The following FMNL3 variants were observed in gnomAD, a reference collection of about 807,000 sequenced individuals.
FMNL3 encodes formin-like protein 3.
A neutral mutation model predicts 119.6 loss-of-function variants in FMNL3; 57 were observed. The observed-to-expected ratio is 0.48, with a 90% CI of 0.39 to 0.59. FMNL3 has a LOEUF of 0.59. Ranked by LOEUF, FMNL3 falls within the 20% of genes least tolerant of loss-of-function variation. FMNL3 has a pLI of 0.00. For synonymous variants in FMNL3, 491 were observed against 507.3 expected (o/e 0.97, Z 0.43); for missense variants, 1,053 against 1,323.5 (o/e 0.80, Z 3.17).
rs1212620875 is a variant in FMNL3 at position 49,658,474 on chromosome 12, G to A, written c.573C>T (p.Ser191=). 6.2e-6 allele frequency: 10 copies of A among 1,612,468 alleles called. No individual in the cohort carries two copies. The highest frequency in any genetic ancestry group is 6.8e-6 in the Non-Finnish European group (8 of 1,179,130). ...PSALSAPFTN[S]LARSARQSVL... ...CAGACTGGCGCGCAGAGCGAGCGAGGCTGTTGGTGAAGGGGGCCGACAGGG... is the reference window on the plus strand; with the variant it reads ...CAGACTGGCGCGCAGAGCGAGCGAGACTGTTGGTGAAGGGGGCCGACAGGG... Residue 191 remains serine (S), a synonymous_variant, in exon 6 of 26, where the codon AGC becomes AGT. Transcript: ENST00000335154.
Position 49,642,810 on chromosome 12 carries a change from C to T in FMNL3, c.*3005G>A. On this transcript the variant is annotated 3_prime_UTR_variant, in exon 26 of 26. Transcript: ENST00000335154. This position sits in a 1 kb window ranked among gnomAD's most constrained non-coding sequence, Gnocchi z 5.8. Reference sequence around the variant, plus strand: ...TAAGGAAGGGGAGGCCTGAGGATCCCTGGGATAGGCAGAAGGCTCTAGTCT... The same window carrying T: ...TAAGGAAGGGGAGGCCTGAGGATCCTTGGGATAGGCAGAAGGCTCTAGTCT... The T allele has an allele frequency of 1.4e-6, 2 of 1,428,802 alleles. No homozygotes were observed. The highest frequency in any genetic ancestry group is 1.4e-5 in the African/African-American group (1 of 70,370). 88.5% of individuals were successfully genotyped at this position (1,428,802 alleles called of 1,614,324 possible). A position where few individuals can be genotyped will look rare whatever the true frequency, so the allele number is the denominator to read the frequency against.
chr12:49,643,009 C>T lies in FMNL3; in HGVS notation c.*2806G>A. 1.2e-6 allele frequency: 2 copies of T among 1,613,678 alleles called. No individual in the cohort carries two copies. The highest frequency in any genetic ancestry group is 1.7e-6 in the Non-Finnish European group (2 of 1,179,756). On this transcript the variant is annotated 3_prime_UTR_variant, in exon 26 of 26. Coordinates refer to ENST00000335154, the MANE Select transcript of FMNL3 (RefSeq NM_175736.5). Reference sequence around the variant, plus strand: ...AAGCACCATCACAAGCGTTCCCACTCACCCTCAGTGAGTAAGCGTGTAGAA... The same window carrying T: ...AAGCACCATCACAAGCGTTCCCACTTACCCTCAGTGAGTAAGCGTGTAGAA...
rs770849586 is a variant in FMNL3, at chr12:49,647,356, CTTG to C, written c.2788_2790del (p.Gln930del). 2.5e-6 allele frequency: 4 copies of C among 1,612,818 alleles called. No individual in the cohort carries two copies. The highest frequency in any genetic ancestry group is 3.4e-6 in the Non-Finnish European group (4 of 1,179,992). On this transcript the variant is annotated inframe_deletion, in exon 24 of 26. Transcript: ENST00000335154. This position sits in a 1 kb window ranked among gnomAD's most constrained non-coding sequence, Gnocchi z 4.9. ...TCCTGCTTCTTGCGGGCTTCATTCT[CTTG>C]TTCTGCTTCCTAAGAGCCATGGAAG... is the stretch of plus-strand genomic sequence containing the variant.
chr12:49,645,473 TTGC>T lies in FMNL3; in HGVS notation c.*339_*341del, dbSNP rs1943143060. Reference sequence around the variant, plus strand: ...GAAGGGAAAAAAAAAGAAAGAACAGTTGCTCTCTCCTCTCATCCCTCTGGGCTC... The same window carrying T: ...GAAGGGAAAAAAAAAGAAAGAACAGTTCTCTCCTCTCATCCCTCTGGGCTC... On this transcript the variant is annotated 3_prime_UTR_variant, in exon 26 of 26. Coordinates refer to ENST00000335154, the MANE Select transcript of FMNL3 (RefSeq NM_175736.5). The T allele has an allele frequency of 4.0e-6, 1 of 247,444 alleles. No homozygotes were observed. The highest frequency in any genetic ancestry group is 2.3e-5 in the African/African-American group (1 of 44,206). 15.3% of individuals were successfully genotyped at this position (247,444 alleles called of 1,614,324 possible).
rs1220658735 is a variant in FMNL3 at position 49,640,031 on chromosome 12, T to G, written c.*5784A>C. 1 of 152,256 alleles carries G rather than the reference T, an allele frequency of 6.6e-6. No homozygotes were observed. The highest frequency in any genetic ancestry group is 1.5e-5 in the Non-Finnish European group (1 of 68,044). 9.4% of individuals were successfully genotyped at this position (152,256 alleles called of 1,614,324 possible). ...CTGAGTCCTGTCTCTCCACACAACC[T>G]GAGAAAGCAACTTTTTTAGACAGTT... is the stretch of plus-strand genomic sequence containing the variant. On this transcript the variant is annotated 3_prime_UTR_variant, in exon 26 of 26. Transcript: ENST00000335154.
At chr12:49,646,819 A>AG in intron 25 of FMNL3, 67 bp downstream of exon 25, 1 of 1,605,952 alleles carries the variant, frequency 6.2e-7, no homozygotes. Flanking sequence ...GAGAGCCCAA[A>AG]GGGGTTAGGT....
At chr12:49,666,413 T>G (rs1211583587) in intron 2 of FMNL3, among the ~76,000 whole-genome samples, 6 of 152,164 alleles carry the variant, frequency 3.9e-5, no homozygotes, top group Non-Finnish European at 8.8e-5. Context: ...CTCCTCCTCC[T>G]CCAATTAGTG....
In FMNL3 at chr12:49,656,807, G is replaced by A. The variant is rs1417575498; in HGVS notation, c.791+16C>T. The A allele has an allele frequency of 1.2e-6, 2 of 1,607,344 alleles. No homozygotes were observed. Among genetic ancestry groups the A allele is most frequent in the East Asian group, 2.2e-5 (1 of 44,834 alleles). On this transcript the variant is annotated intron_variant, in intron 8 of 25. Coordinates refer to ENST00000335154, the MANE Select transcript of FMNL3 (RefSeq NM_175736.5). ...CCTGGACAGAGTGGGGAGGAAAGGG[G>A]AGGGAAGGAACTCACCTTGGATTCT...
chr12:49,674,196 A>G (rs574668811), intron 1 of FMNL3, among the ~76,000 whole-genome samples: 12 of 152,334 alleles, frequency 7.9e-5, no homozygotes, highest in African/African-American at 2.6e-4. Context: ...TGGAGAAGAT[A>G]ACTTGAAACA....
chr12:49,689,048 T>C (rs1944538619), intron 1 of FMNL3, among the ~76,000 whole-genome samples: 1 of 152,124 alleles, frequency 6.6e-6, no homozygotes, highest in Non-Finnish European at 1.5e-5. Flanking sequence ...AGCCCAGGAA[T>C]TCAAGGCTGC....
At chr12:49,646,598 G>C in intron 25 of FMNL3, 1 of 1,430,732 alleles carries the variant, frequency 7.0e-7, no homozygotes, top group Non-Finnish European at 9.3e-7. Flanking sequence ...AGGAATCCTG[G>C]GAGACGGGCA....
At chr12:49,693,635 G>GT (rs1565896489) in intron 1 of FMNL3, among the ~76,000 whole-genome samples, 2,281 of 21,232 alleles carry the variant, frequency 0.11, 1,017 homozygotes, top group East Asian at 0.24. Context: ...TCCCAATCTT[G>GT]GTTTTTTTTT....
intron 1 of FMNL3, among the ~76,000 whole-genome samples, chr12:49,697,714 C>T (rs1003595132): frequency 6.6e-6 from 1 of 152,092 alleles, no homozygotes; most frequent in Non-Finnish European, 1.5e-5. Context: ...TTTTTAGCAC[C>T]TTTATAGGTT....
In FMNL3 at chr12:49,656,503, G is replaced by A. The variant is rs374379163; in HGVS notation, c.792-6C>T. 9.9e-6 allele frequency: 16 copies of A among 1,612,244 alleles called. No individual in the cohort carries two copies. Among genetic ancestry groups the A allele is most frequent in the African/African-American group, 1.3e-5 (1 of 74,776 alleles). The stretch of plus-strand genomic sequence containing the variant: ...CTAAGACAAGGGCTTTGGTCCTAAG[G>A]GGTGAAGAAGGAAGATTAACACCCT... On this transcript the variant is annotated splice_region_variant and splice_polypyrimidine_tract_variant and intron_variant, in intron 8 of 25. Transcript: ENST00000335154.
Position 49,649,609 on chromosome 12 carries a change from A to G in FMNL3, c.2236-71T>C. The G allele has an allele frequency of 2.5e-6, 4 of 1,611,856 alleles. No individual in the cohort carries two copies. The highest frequency in any genetic ancestry group is 8.5e-7 in the Non-Finnish European group (1 of 1,178,030). ...GTAAAGACAGGGAGGGGTCAGAAGG[A>G]CTGGAAGGGCAGGGGAGGTGACTAG... On this transcript the variant is annotated intron_variant, in intron 18 of 25. Coordinates refer to ENST00000335154, the MANE Select transcript of FMNL3 (RefSeq NM_175736.5). The surrounding 1 kb of genome is among the most constrained non-coding windows in gnomAD (Gnocchi z 5.6).
chr12:49,679,474 C>T (rs1944278707), intron 1 of FMNL3, among the ~76,000 whole-genome samples: 1 of 151,874 alleles, frequency 6.6e-6, no homozygotes, highest in Admixed American at 6.6e-5. Context: ...GCCCTAACCT[C>T]CCATTAGCAC....
intron 1 of FMNL3, among the ~76,000 whole-genome samples, chr12:49,674,707 C>T (rs1260723984): frequency 6.6e-6 from 1 of 152,226 alleles, no homozygotes; most frequent in Non-Finnish European, 1.5e-5. Flanking sequence ...TTGAAGCTAC[C>T]ACTCTGGTGA....
At position 49,649,204 on chromosome 12, in the gene FMNL3, C is replaced by A. The variant is rs374147488; in HGVS notation, c.2386-46G>T. 51 of 1,612,624 alleles carry A rather than the reference C, an allele frequency of 3.2e-5. No individual in the cohort carries two copies. In the African/African-American group the frequency reaches 5.6e-4, roughly 18 times the overall value. On this transcript the variant is annotated intron_variant, in intron 20 of 25. Coordinates refer to ENST00000335154, the MANE Select transcript of FMNL3 (RefSeq NM_175736.5). The surrounding 1 kb of genome is among the most constrained non-coding windows in gnomAD (Gnocchi z 5.6). The stretch of plus-strand genomic sequence containing the variant: ...GGTGCACAAGAGCTAAGCACTCTGG[C>A]TCCACAACTGCTGCCCCCCAGGCTT...
In FMNL3 at chr12:49,647,206, GC is replaced by G. The variant is rs1270838990; in HGVS notation, c.2871+69del. The G allele has an allele frequency of 6.3e-7, 1 of 1,589,976 alleles. No homozygotes were observed. The highest frequency in any genetic ancestry group is 1.3e-5 in the African/African-American group (1 of 74,288). ...CCACTCCAAGTTTTCATCTCCTCTA[GC>G]CTTCTGACCCCCAGCCCCCACTCTT... On this transcript the variant is annotated intron_variant, in intron 24 of 25. Coordinates refer to ENST00000335154, the MANE Select transcript of FMNL3 (RefSeq NM_175736.5). The surrounding 1 kb of genome is among the most constrained non-coding windows in gnomAD (Gnocchi z 4.9).
Sources: allele counts gnomAD v4.1 joint callset (sites outside exome capture counted in the v4.1 genomes callset), GRCh38; gene constraint gnomAD v4.1.1; non-coding constraint Gnocchi (gnomAD v3.1); transcripts MANE v1.5; gene names NCBI Gene and HGNC (gene_info 2026-07-23, HGNC 2026-07-21).